AJAP1: variants seen among roughly 807,000 people sequenced by gnomAD.
AJAP1 encodes adherens junction-associated protein 1.
In AJAP1, 5 loss-of-function variants were observed where a neutral mutation model predicts 35.0. The ratio of observed to expected loss-of-function variants is 0.14; its 90% CI spans 0.07 to 0.30. The LOEUF (loss-of-function observed/expected upper bound fraction) is 0.30, where lower values mean the gene tolerates loss of function less well. Ranked by LOEUF, AJAP1 falls within the 10% of genes least tolerant of loss-of-function variation. The probability of loss-of-function intolerance (pLI) is 1.00; values close to 1 mark genes in which losing one functional copy is unlikely to be tolerated. For synonymous variants in AJAP1, 284 were observed against 249.3 expected (o/e 1.14, Z -1.31); for missense variants, 586 against 571.0 (o/e 1.03, Z -0.27).
At chr1:4,704,871 T>C (rs1433236161) in intron 1 of AJAP1, among the ~76,000 whole-genome samples, 1 of 152,228 alleles carries the variant, frequency 6.6e-6, no homozygotes, top group Non-Finnish European at 1.5e-5. Context: ...AGATGGTATC[T>C]CATTGTGGTT....
chr1:4,675,080 A>G (rs959108872), intron 1 of AJAP1, among the ~76,000 whole-genome samples: 1 of 151,782 alleles, frequency 6.6e-6, no homozygotes, highest in Non-Finnish European at 1.5e-5. Flanking sequence ...GGTGGGGGGG[A>G]AACAGAGCAA....
At chr1:4,727,003 C>T (rs1004666711) in intron 2 of AJAP1, among the ~76,000 whole-genome samples, 8 of 152,312 alleles carry the variant, frequency 5.3e-5, no homozygotes, top group Non-Finnish European at 8.8e-5. Flanking sequence ...TGAGAGCCCC[C>T]GGGAGCCCAG....
chr1:4,682,723 G>T (rs1054774931), intron 1 of AJAP1, among the ~76,000 whole-genome samples: 6 of 152,160 alleles, frequency 3.9e-5, no homozygotes, highest in African/African-American at 1.4e-4. Flanking sequence ...TGATAATGAT[G>T]ATAGTGGTGA....
chr1:4,772,550 T>G (rs749484755), intron 4 of AJAP1, 25 bp downstream of exon 4: 2 of 1,608,020 alleles, frequency 1.2e-6, no homozygotes, highest in East Asian at 2.2e-5. Flanking sequence ...TGCTAGACCC[T>G]GCAGCTGTGA....
At chr1:4,768,026 C>T (rs182423323) in intron 2 of AJAP1, among the ~76,000 whole-genome samples, 1 of 152,338 alleles carries the variant, frequency 6.6e-6, no homozygotes, top group Admixed American at 6.5e-5. Flanking sequence ...GTCCCTGTTG[C>T]ATAACTTAGC....
At chr1:4,728,490 G>T (rs1483621479) in intron 2 of AJAP1, among the ~76,000 whole-genome samples, 5 of 152,178 alleles carry the variant, frequency 3.3e-5, no homozygotes, top group Non-Finnish European at 5.9e-5. Context: ...AGTGACACCT[G>T]CTCCCAGTGG....
At chr1:4,718,590 C>T (rs1172530159) in intron 2 of AJAP1, among the ~76,000 whole-genome samples, 1 of 151,840 alleles carries the variant, frequency 6.6e-6, no homozygotes, top group Non-Finnish European at 1.5e-5. Context: ...TCAAGCAATT[C>T]TCCTGCCTCA....
chr1:4,745,581 C>G (rs1452069087), intron 2 of AJAP1, among the ~76,000 whole-genome samples: 1 of 152,204 alleles, frequency 6.6e-6, no homozygotes, highest in East Asian at 1.9e-4. Context: ...GTTCACAGTG[C>G]CCTTCTCAGA....
At chr1:4,688,201 C>T (rs1321977691) in intron 1 of AJAP1, among the ~76,000 whole-genome samples, 1 of 152,128 alleles carries the variant, frequency 6.6e-6, no homozygotes, top group Non-Finnish European at 1.5e-5. Context: ...AGGGAAGTGA[C>T]ACTTCGGAGG....
At chr1:4,744,047 G>A (rs1462676111) in intron 2 of AJAP1, among the ~76,000 whole-genome samples, 1 of 152,236 alleles carries the variant, frequency 6.6e-6, no homozygotes. Flanking sequence ...AGTTAAAGGG[G>A]TCATGGGACG....
At chr1:4,780,255 G>A (rs1190578520) in intron 5 of AJAP1, among the ~76,000 whole-genome samples, 8 of 150,636 alleles carry the variant, frequency 5.3e-5, no homozygotes, top group East Asian at 1.9e-4. Context: ...ACCTCCTTCC[G>A]TCACCCCGTA....
At chr1:4,778,089 A>C (rs1641975731) in intron 5 of AJAP1, among the ~76,000 whole-genome samples, 1 of 152,198 alleles carries the variant, frequency 6.6e-6, no homozygotes, top group Admixed American at 6.5e-5. Context: ...GACAGTGGTC[A>C]TTACACCCAG....
intron 1 of AJAP1, among the ~76,000 whole-genome samples, chr1:4,698,020 G>A (rs561663166): frequency 3.9e-5 from 6 of 152,336 alleles, no homozygotes; most frequent in East Asian, 1.9e-4. Context: ...TGCAGTCATC[G>A]CGGCATCTCC....
At chr1:4,699,314 C>A (rs901856441) in intron 1 of AJAP1, among the ~76,000 whole-genome samples, 3 of 152,214 alleles carry the variant, frequency 2.0e-5, no homozygotes, top group African/African-American at 7.2e-5. Flanking sequence ...CACGGAACAG[C>A]CACGTACTTG....
intron 2 of AJAP1, among the ~76,000 whole-genome samples, chr1:4,733,558 G>A (rs1172265511): frequency 6.6e-6 from 1 of 151,222 alleles, no homozygotes; most frequent in Non-Finnish European, 1.5e-5. Flanking sequence ...CCAGTGGGGA[G>A]CAAGTCCAAT....
chr1:4,726,892 G>T (rs1570161876), intron 2 of AJAP1, among the ~76,000 whole-genome samples: 1 of 152,304 alleles, frequency 6.6e-6, no homozygotes, highest in East Asian at 1.9e-4. Flanking sequence ...AGGCACGGAA[G>T]AGCTTCCAAG....
rs559417969 is a variant in AJAP1, at chr1:4,673,667, C to T, written c.29+18213C>T. ...TGTGTGCCGGGGCTGTGGACACAGACGCGGCCAGGCAGCCTTCCCAGGGCA... is the reference window on the plus strand; with the variant it reads ...TGTGTGCCGGGGCTGTGGACACAGATGCGGCCAGGCAGCCTTCCCAGGGCA... On this transcript the variant is annotated intron_variant, in intron 1 of 5. Coordinates refer to ENST00000378191, the MANE Select transcript of AJAP1 (RefSeq NM_018836.4). Among the ~76,000 whole-genome samples, 26 of 152,284 alleles carry T rather than the reference C, an allele frequency of 1.7e-4. No individual in the cohort carries two copies. The East Asian group carries it at 1.7e-3, about 10-fold the overall frequency.
chr1:4,676,286 A>G (rs1283971306), intron 1 of AJAP1, among the ~76,000 whole-genome samples: 3 of 152,196 alleles, frequency 2.0e-5, no homozygotes, highest in East Asian at 1.9e-4. Context: ...CCAAAAAAAG[A>G]TGATTTGTGT....
intron 3 of AJAP1, among the ~76,000 whole-genome samples, chr1:4,771,380 G>A (rs1040275224): frequency 4.6e-5 from 7 of 152,184 alleles, no homozygotes; most frequent in Non-Finnish European, 7.4e-5. Flanking sequence ...GGAGACGGGC[G>A]CATCCCCCCT....
Sources: allele counts gnomAD v4.1 joint callset (sites outside exome capture counted in the v4.1 genomes callset), GRCh38; gene constraint gnomAD v4.1.1; transcripts MANE v1.5; gene names NCBI Gene and HGNC (gene_info 2026-07-23, HGNC 2026-07-21).